The following CACNA1C variants were observed in gnomAD, a reference collection of about 807,000 sequenced individuals.
CACNA1C encodes the protein voltage-dependent L-type calcium channel subunit alpha-1C.
A neutral mutation model predicts 229.0 loss-of-function variants in CACNA1C; 30 were observed. That is an observed-to-expected ratio of 0.13 (90% CI 0.10 to 0.18). The LOEUF (loss-of-function observed/expected upper bound fraction) is 0.18. CACNA1C is among the 10% of genes least tolerant of loss of function. The pLI is 1.00. For missense variants in CACNA1C, 1,658 were observed against 2,845.0 expected (o/e 0.58, Z 9.49); for synonymous variants, 1,114 against 1,132.5 (o/e 0.98, Z 0.33).
At chr12:2,103,370 A>T (rs2077100814) in intron 1 of CACNA1C, among the ~76,000 whole-genome samples, 1 of 152,182 alleles carries the variant, frequency 6.6e-6, no homozygotes, top group Non-Finnish European at 1.5e-5. Flanking sequence ...TTGCCTGCAT[A>T]AATGTCTTCT....
At chr12:2,448,715 T>G (rs1334738463) in intron 3 of CACNA1C, among the ~76,000 whole-genome samples, 1 of 152,088 alleles carries the variant, frequency 6.6e-6, no homozygotes, top group African/African-American at 2.4e-5. Flanking sequence ...AATATGAAAT[T>G]TTTCCACTAG....
At chr12:2,203,854 G>A (rs1373881827) in intron 3 of CACNA1C, among the ~76,000 whole-genome samples, 1 of 152,330 alleles carries the variant, frequency 6.6e-6, no homozygotes, top group Admixed American at 6.5e-5. Context: ...ACTGAGTGAA[G>A]TGACCTATAG....
intron 9 of CACNA1C, among the ~76,000 whole-genome samples, chr12:2,524,884 G>A (rs2154580893): frequency 6.6e-6 from 1 of 152,372 alleles, no homozygotes; most frequent in African/African-American, 2.4e-5. Flanking sequence ...GGGGCTGGGT[G>A]GGCACAGGAC....
chr12:2,502,301 G>A (rs1453386387), intron 7 of CACNA1C, among the ~76,000 whole-genome samples: 1 of 152,260 alleles, frequency 6.6e-6, no homozygotes, highest in Non-Finnish European at 1.5e-5. Context: ...CTATGTGCGA[G>A]GCATCGTTGT....
chr12:2,622,601 A>G (rs780417315), intron 29 of CACNA1C, among the ~76,000 whole-genome samples: 36 of 152,176 alleles, frequency 2.4e-4, no homozygotes, highest in Non-Finnish European at 4.9e-4. Flanking sequence ...TCATGATTCC[A>G]TAAAAGGAGT....
At position 2,115,353 on chromosome 12, in the gene CACNA1C, G is replaced by T; in HGVS notation, c.179G>T (p.Arg60Leu). The change falls in exon 2 of 47, where the codon CGG (arginine) becomes CTG (leucine). Residue 60 changes from arginine to leucine, a missense_variant. Arg to Leu is a moderately radical substitution (Grantham distance 102). Coordinates refer to ENST00000399655, the MANE Select transcript of CACNA1C (RefSeq NM_000719.7). ...LSWQAAIDAA[R>L]QAKLMGSAGN... ...TGGCAGGCGGCCATCGACGCAGCCCGGCAGGCTAAGCTGATGGGCAGCGCT... is the reference window on the plus strand; with the variant it reads ...TGGCAGGCGGCCATCGACGCAGCCCTGCAGGCTAAGCTGATGGGCAGCGCT... 6.3e-7 allele frequency: 1 copy of T among 1,593,802 alleles called. No homozygotes were observed. The highest frequency in any genetic ancestry group is 8.5e-7 in the Non-Finnish European group (1 of 1,173,406).
chr12:2,303,184 G>A (rs371990167), intron 3 of CACNA1C, among the ~76,000 whole-genome samples: 1 of 152,230 alleles, frequency 6.6e-6, no homozygotes, highest in East Asian at 1.9e-4. Context: ...CCTTCCAGGT[G>A]GGAAAATGAG....
chr12:2,634,099 C>T (rs2153570887), intron 29 of CACNA1C, among the ~76,000 whole-genome samples, 198 bp from the exon 30 acceptor site: 1 of 152,290 alleles, frequency 6.6e-6, no homozygotes, highest in East Asian at 1.9e-4. Flanking sequence ...CAGGTTTGAG[C>T]TGCCAGAACT....
At chr12:2,310,351 A>AT (rs1566985543) in intron 3 of CACNA1C, among the ~76,000 whole-genome samples, 4,915 of 143,490 alleles carry the variant, frequency 0.034, 126 homozygotes, top group East Asian at 0.069. Context: ...TTAAAAAAAA[A>AT]AATATATATA....
In CACNA1C at chr12:2,029,842, G is replaced by C. The variant is rs992907531; in HGVS notation, c.139+58641G>C. Among the ~76,000 whole-genome samples the C allele has an allele frequency of 1.3e-5, 2 of 152,198 alleles. No homozygotes were observed. The highest frequency in any genetic ancestry group is 2.9e-5 in the Non-Finnish European group (2 of 68,034). On this transcript the variant is annotated intron_variant, in intron 1 of 46. Coordinates refer to the CACNA1C transcript ENST00000682462. This position sits in a 1 kb window ranked among gnomAD's most constrained non-coding sequence, Gnocchi z 4.9. ...AGAAAGTCTAGCTGCTGCTATGCTG[G>C]TGGGACCTGCTCTGTTAGGTTCCCT...
rs770007601 is a variant in CACNA1C, at chr12:2,566,588, C to T, written c.1669+6C>T. The T allele has an allele frequency of 5.5e-5, 87 of 1,589,918 alleles. No homozygotes were observed. The highest frequency in any genetic ancestry group is 5.3e-4 in the East Asian group (23 of 43,492). ...CTGGCTCACAGAAGTCCAAGGTGAGCGGCGGCCCCAGCTCTGCTCTGGTTT... is the reference window on the plus strand; with the variant it reads ...CTGGCTCACAGAAGTCCAAGGTGAGTGGCGGCCCCAGCTCTGCTCTGGTTT... On this transcript the variant is annotated splice_donor_region_variant and intron_variant, in intron 12 of 46. Coordinates refer to ENST00000399655, the MANE Select transcript of CACNA1C (RefSeq NM_000719.7). This position sits in a 1 kb window ranked among gnomAD's most constrained non-coding sequence, Gnocchi z 4.0.
At chr12:2,368,642 G>A (rs1477604256) in intron 3 of CACNA1C, among the ~76,000 whole-genome samples, 1 of 152,194 alleles carries the variant, frequency 6.6e-6, no homozygotes, top group East Asian at 1.9e-4. Context: ...ATGAAAGCAT[G>A]TCGTATTTCT....
chr12:2,643,319 G>A (rs551767802), intron 30 of CACNA1C, among the ~76,000 whole-genome samples: 10 of 152,236 alleles, frequency 6.6e-5, no homozygotes, highest in Admixed American at 3.3e-4. Context: ...ATCCTGGTGC[G>A]TTCCCTGCCC....
chr12:2,046,600 T>C (rs1438616792), intron 1 of CACNA1C, among the ~76,000 whole-genome samples: 1 of 152,000 alleles, frequency 6.6e-6, no homozygotes, highest in East Asian at 1.9e-4. Context: ...CCTCGCTGCG[T>C]TCTGTCTTTG....
intron 3 of CACNA1C, among the ~76,000 whole-genome samples, chr12:2,265,725 C>T (rs139236475): frequency 1.5e-3 from 226 of 152,316 alleles, no homozygotes; most frequent in Non-Finnish European, 2.6e-3. Context: ...AGGATGAAGA[C>T]GCGGGGGCTC....
chr12:2,119,246 C>T (rs996035237), intron 2 of CACNA1C, among the ~76,000 whole-genome samples: 3 of 152,160 alleles, frequency 2.0e-5, no homozygotes, highest in East Asian at 1.9e-4. Flanking sequence ...TATGGATTTC[C>T]CTGAGAGAAT....
chr12:2,405,469 A>T lies in CACNA1C; in HGVS notation c.478-43507A>T, dbSNP rs531038174. On this transcript the variant is annotated intron_variant, in intron 3 of 46. Transcript: ENST00000399655. The stretch of plus-strand genomic sequence containing the variant: ...AACTACTTATTTGTTCTCCATCTCT[A>T]TAATTTTGTCATTTCAAGAATGTTA... Among the ~76,000 whole-genome samples, 9 of 152,162 alleles carry T rather than the reference A, an allele frequency of 5.9e-5. No homozygotes were observed. The South Asian group carries it at 1.9e-3, about 32-fold the overall frequency.
chr12:2,508,539 G>C (rs2154578445), intron 8 of CACNA1C, among the ~76,000 whole-genome samples: 1 of 152,334 alleles, frequency 6.6e-6, no homozygotes, highest in Middle Eastern at 3.4e-3. Flanking sequence ...TATAGTCCCA[G>C]GTATTCGGGA....
intron 1 of CACNA1C, among the ~76,000 whole-genome samples, chr12:2,047,955 C>T (rs879314792): frequency 3.3e-4 from 50 of 152,222 alleles, no homozygotes; most frequent in African/African-American, 1.1e-3. Context: ...TCACCACTTC[C>T]GATCTCGACC....
Sources: allele counts gnomAD v4.1 joint callset (sites outside exome capture counted in the v4.1 genomes callset), GRCh38; gene constraint gnomAD v4.1.1; non-coding constraint Gnocchi (gnomAD v3.1); transcripts MANE v1.5; gene names NCBI Gene and HGNC (gene_info 2026-07-23, HGNC 2026-07-21).